The following RAB10 variants were observed in gnomAD, a reference collection of about 807,000 sequenced individuals.
RAB10 encodes the protein ras-related protein Rab-10.
A neutral mutation model predicts 25.7 loss-of-function variants in RAB10; 5 were observed. That is an observed-to-expected ratio of 0.19 (90% CI 0.10 to 0.41). RAB10 has a LOEUF of 0.41. Among genes scored for constraint, RAB10 ranks in the 10% least tolerant of loss-of-function variants. The probability of loss-of-function intolerance (pLI) is 1.00; values close to 1 mark genes in which losing one functional copy is unlikely to be tolerated. For missense variants in RAB10, 103 were observed against 245.8 expected, an observed-to-expected ratio of 0.42 and a Z score of 3.89; for synonymous variants, 89 against 86.4, an observed-to-expected ratio of 1.03 and a Z score of -0.16.
intron 1 of RAB10, among the ~76,000 whole-genome samples, chr2:26,041,474 C>T (rs948339730): frequency 7.6e-6 from 1 of 130,870 alleles, no homozygotes; most frequent in Non-Finnish European, 1.5e-5. Flanking sequence ...ACCCGGGAGG[C>T]GGAGGTTGCA....
In RAB10 at chr2:26,034,136, T is replaced by C. The variant is rs1665701778; in HGVS notation, c.-473T>C. 2.5e-6 allele frequency: 1 copy of C among 405,012 alleles called. No individual in the cohort carries two copies. The highest frequency in any genetic ancestry group is 4.4e-6 in the Non-Finnish European group (1 of 229,152). 25.1% of individuals were successfully genotyped at this position (405,012 alleles called of 1,614,324 possible). ...AGAGGGCACGGGGAAAAGGTGGCTC[T>C]GGCCGGGGTGGCTCGGTTTCCTGGG... On this transcript the variant is annotated 5_prime_UTR_variant, in exon 1 of 6. Transcript: ENST00000264710.
intron 1 of RAB10, among the ~76,000 whole-genome samples, chr2:26,072,661 A>G (rs1666652800): frequency 3.3e-5 from 5 of 152,182 alleles, no homozygotes; most frequent in Non-Finnish European, 7.4e-5. Flanking sequence ...ATCTGTTTGT[A>G]GCTAGATTTT....
intron 1 of RAB10, among the ~76,000 whole-genome samples, chr2:26,060,177 GA>G (rs1208895692): frequency 5.9e-5 from 9 of 152,204 alleles, no homozygotes; most frequent in African/African-American, 2.2e-4. Flanking sequence ...TATGGAGGGG[GA>G]AAGAGAAGGA....
intron 1 of RAB10, among the ~76,000 whole-genome samples, chr2:26,088,436 G>A (rs1257016717): frequency 6.6e-6 from 1 of 152,176 alleles, no homozygotes; most frequent in East Asian, 1.9e-4. Flanking sequence ...CAAACCCTGT[G>A]ATTTCTGTGC....
chr2:26,124,161 GATA>G (rs1283073770), intron 3 of RAB10, among the ~76,000 whole-genome samples: 1 of 152,030 alleles, frequency 6.6e-6, no homozygotes, highest in Non-Finnish European at 1.5e-5. Flanking sequence ...GACTGTTACT[GATA>G]ATACTTCTGG....
chr2:26,127,841 C>A lies in RAB10; in HGVS notation c.418-9C>A. The A allele has an allele frequency of 6.4e-7, 1 of 1,568,478 alleles. No individual in the cohort carries two copies. Among genetic ancestry groups the A allele is most frequent in the Non-Finnish European group, 8.8e-7 (1 of 1,138,940 alleles). On this transcript the variant is annotated splice_polypyrimidine_tract_variant and intron_variant, in intron 4 of 5. Coordinates refer to ENST00000264710, the MANE Select transcript of RAB10 (RefSeq NM_016131.5). ...ATAATTTTATGATGATATTTTGTTT[C>A]TGTTTTAGATTGCAAGGGAGCATGG...
intron 1 of RAB10, among the ~76,000 whole-genome samples, chr2:26,066,897 C>G (rs1357083720): frequency 6.6e-6 from 1 of 151,552 alleles, no homozygotes; most frequent in Non-Finnish European, 1.5e-5. Flanking sequence ...ATTCTTCTGC[C>G]TCAGCCTCTT....
At chr2:26,108,879 A>ATTTATTTATT (rs1212667172) in intron 2 of RAB10, among the ~76,000 whole-genome samples, 1 of 139,564 alleles carries the variant, frequency 7.2e-6, no homozygotes, top group Non-Finnish European at 1.6e-5. Flanking sequence ...CTTTTGCTTT[A>ATTTATTTATT]TATTTATTTA....
chr2:26,057,974 A>G (rs919382446), intron 1 of RAB10, among the ~76,000 whole-genome samples: 1 of 152,186 alleles, frequency 6.6e-6, no homozygotes, highest in Non-Finnish European at 1.5e-5. Context: ...ATAGGGGCTG[A>G]TAACCCCTAC....
At chr2:26,056,065 T>C (rs1462120384) in intron 1 of RAB10, among the ~76,000 whole-genome samples, 1 of 151,960 alleles carries the variant, frequency 6.6e-6, no homozygotes, top group African/African-American at 2.4e-5. Flanking sequence ...TGGATTAGTT[T>C]TTTTTAGTAG....
In RAB10 at chr2:26,056,173, G is replaced by C. The variant is rs936982500; in HGVS notation, c.127+21438G>C. On this transcript the variant is annotated intron_variant, in intron 1 of 5. Transcript: ENST00000264710. ...CCCAAAGTGTTGGGATTACAGGCGT[G>C]AGCCACCGTGTCTGGCCTTTCTTTT... Among the ~76,000 whole-genome samples, 7 of 152,234 alleles carry C rather than the reference G, an allele frequency of 4.6e-5. No individual in the cohort carries two copies. In the East Asian group the frequency reaches 1.4e-3, roughly 29 times the overall value.
chr2:26,033,942 G>A (rs1324817553), upstream of RAB10, among the ~76,000 whole-genome samples: 1 of 152,206 alleles, frequency 6.6e-6, no homozygotes, highest in Admixed American at 6.5e-5. Flanking sequence ...CTCCCCTCTG[G>A]GTCCAGCCTC....
At chr2:26,056,915 C>A (rs573280676) in intron 1 of RAB10, among the ~76,000 whole-genome samples, 7 of 152,304 alleles carry the variant, frequency 4.6e-5, no homozygotes, top group African/African-American at 1.4e-4. Context: ...AGCCACTGAG[C>A]CTGGCCCTAA....
chr2:26,089,764 C>T (rs1450053477), intron 1 of RAB10, among the ~76,000 whole-genome samples: 2 of 152,152 alleles, frequency 1.3e-5, no homozygotes, highest in East Asian at 3.8e-4. Context: ...GAATTTAATA[C>T]TCTTACACCA....
chr2:26,053,417 G>A (rs1007495362), intron 1 of RAB10, among the ~76,000 whole-genome samples: 1 of 152,216 alleles, frequency 6.6e-6, no homozygotes, highest in African/African-American at 2.4e-5. Context: ...TTTGAACAAA[G>A]TAGAACTGTA....
intron 3 of RAB10, among the ~76,000 whole-genome samples, chr2:26,119,669 G>A (rs998702205): frequency 1.3e-5 from 2 of 151,984 alleles, no homozygotes; most frequent in African/African-American, 2.4e-5. Context: ...CCACAAGCGT[G>A]CTATATCATG....
At position 26,041,353 on chromosome 2, in the gene RAB10, C is replaced by T. The variant is rs530975463; in HGVS notation, c.127+6618C>T. Among the ~76,000 whole-genome samples, 11 of 151,388 alleles carry T rather than the reference C, an allele frequency of 7.3e-5. No individual in the cohort carries two copies. In the South Asian group the frequency reaches 2.1e-3, roughly 29 times the overall value. On this transcript the variant is annotated intron_variant, in intron 1 of 5. Transcript: ENST00000264710. ...GTCAGGAGTTTGAGACCAGCCTGGC[C>T]AACATGGTGAAACCCCGTCTCTACT...
intron 5 of RAB10, among the ~76,000 whole-genome samples, chr2:26,131,735 T>G (rs994796808): frequency 9.9e-5 from 15 of 152,142 alleles, no homozygotes; most frequent in African/African-American, 3.6e-4. Flanking sequence ...TGAATATATA[T>G]TTTTGTCCCA....
Position 26,041,267 on chromosome 2 carries a change from G to A in RAB10, c.127+6532G>A, listed in dbSNP as rs548692085. 5.9e-5 allele frequency among the ~76,000 whole-genome samples: 9 copies of A among 152,224 alleles called. No individual in the cohort carries two copies. The South Asian group carries it at 1.2e-3, about 21-fold the overall frequency. ...TTACCAATATTAGCTGTGGCCGGGC[G>A]CAGTGGCTCATGCCTGTAATCCCAG... On this transcript the variant is annotated intron_variant, in intron 1 of 5. Coordinates refer to ENST00000264710, the MANE Select transcript of RAB10 (RefSeq NM_016131.5).
Sources: allele counts gnomAD v4.1 joint callset (sites outside exome capture counted in the v4.1 genomes callset), GRCh38; gene constraint gnomAD v4.1.1; transcripts MANE v1.5; gene names NCBI Gene and HGNC (gene_info 2026-07-23, HGNC 2026-07-21).